ERBB4: variants seen among roughly 807,000 people sequenced by gnomAD.
ERBB4 encodes receptor tyrosine-protein kinase erbB-4.
In ERBB4, 42 loss-of-function variants were observed where a neutral mutation model predicts 158.0. The observed-to-expected ratio is 0.27, with a 90% CI of 0.21 to 0.34. The LOEUF is 0.34. Ranked by LOEUF, ERBB4 falls within the 10% of genes least tolerant of loss-of-function variation. ERBB4 has a pLI of 1.00. For synonymous variants in ERBB4, 583 were observed against 558.7 expected (o/e 1.04, Z -0.61); for missense variants, 1,333 against 1,624.1 (o/e 0.82, Z 3.08).
chr2:211,397,101 A>G (rs2125343056), intron 25 of ERBB4, among the ~76,000 whole-genome samples: 1 of 152,294 alleles, frequency 6.6e-6, no homozygotes, highest in Non-Finnish European at 1.5e-5. Context: ...TAGGCCAAAA[A>G]GAATATCAGA....
At chr2:211,587,457 G>A (rs534664729) in intron 19 of ERBB4, among the ~76,000 whole-genome samples, 23 of 152,252 alleles carry the variant, frequency 1.5e-4, no homozygotes, top group African/African-American at 4.8e-4. Context: ...AGAAGCATAG[G>A]GAGAATGGCA....
At chr2:211,967,979 C>T (rs1282413613) in intron 2 of ERBB4, among the ~76,000 whole-genome samples, 1 of 151,788 alleles carries the variant, frequency 6.6e-6, no homozygotes, top group Non-Finnish European at 1.5e-5. Context: ...AAGTATCAAA[C>T]AATTTTTATT....
rs145910567 is a variant in ERBB4 at position 211,421,737 on chromosome 2, G to GTGTC, written c.2964+266_2964+269dup. On this transcript the variant is annotated intron_variant, in intron 24 of 27. Transcript: ENST00000342788. ...TAATAAAATCAAGGTGCTAAAATAA[G>GTGTC]TGTCTGAGGATTAAGACCTCTTTAT... Among the ~76,000 whole-genome samples the GTGTC allele has an allele frequency of 0.17, 25,385 of 151,686 alleles. 2,901 individuals carry two copies. The highest frequency in any genetic ancestry group is 0.25 in the Non-Finnish European group (16,874 of 67,658).
At chr2:211,549,464 G>A (rs2067024306) in intron 20 of ERBB4, among the ~76,000 whole-genome samples, 1 of 152,078 alleles carries the variant, frequency 6.6e-6, no homozygotes, top group Non-Finnish European at 1.5e-5. Flanking sequence ...GCTTCTCAAG[G>A]GATGGTGAAT....
At chr2:211,865,385 T>C (rs1272224050) in intron 3 of ERBB4, among the ~76,000 whole-genome samples, 1 of 152,184 alleles carries the variant, frequency 6.6e-6, no homozygotes, top group African/African-American at 2.4e-5. Flanking sequence ...ACTTATTTCT[T>C]GGAGCAGCTA....
intron 19 of ERBB4, among the ~76,000 whole-genome samples, chr2:211,614,021 G>C (rs757252625): frequency 5.3e-5 from 8 of 152,166 alleles, no homozygotes; most frequent in Admixed American, 1.3e-4. Context: ...AGCAACCTAA[G>C]TGTCCATCAA....
intron 16 of ERBB4, among the ~76,000 whole-genome samples, chr2:211,652,358 AG>A (rs781309302): frequency 1.4e-4 from 21 of 152,216 alleles, no homozygotes; most frequent in African/African-American, 1.9e-4. Flanking sequence ...CTTATAATAA[AG>A]GGCTGTGTGC....
At chr2:212,066,835 G>A (rs535916794) in intron 2 of ERBB4, among the ~76,000 whole-genome samples, 110 of 151,958 alleles carry the variant, frequency 7.2e-4, no homozygotes, top group African/African-American at 2.6e-3. Flanking sequence ...AAAGAACTCT[G>A]ACAAGTACAG....
chr2:212,180,722 C>T (rs1009851032), intron 1 of ERBB4, among the ~76,000 whole-genome samples: 4 of 151,680 alleles, frequency 2.6e-5, no homozygotes, highest in Admixed American at 2.6e-4. Flanking sequence ...TTATTATTTC[C>T]TAACAACACA....
chr2:212,347,664 C>T (rs1024267722), intron 1 of ERBB4, among the ~76,000 whole-genome samples: 4 of 152,050 alleles, frequency 2.6e-5, no homozygotes, highest in Admixed American at 6.6e-5. Context: ...AGTTGAGGAT[C>T]CCAAATCCAA....
intron 2 of ERBB4, among the ~76,000 whole-genome samples, chr2:212,032,963 C>A (rs1379069008): frequency 6.6e-6 from 1 of 151,632 alleles, no homozygotes; most frequent in Non-Finnish European, 1.5e-5. Flanking sequence ...AAACCCAAAA[C>A]AAAATAAAAC....
At chr2:212,054,086 C>A (rs958135548) in intron 2 of ERBB4, among the ~76,000 whole-genome samples, 2 of 152,066 alleles carry the variant, frequency 1.3e-5, no homozygotes, top group African/African-American at 4.8e-5. Context: ...CCTCTTGCCC[C>A]ACAGGGAAGA....
intron 1 of ERBB4, among the ~76,000 whole-genome samples, chr2:212,528,386 T>C (rs1692567216): frequency 6.6e-6 from 1 of 152,106 alleles, no homozygotes; most frequent in Non-Finnish European, 1.5e-5. Context: ...AGTGCACCAG[T>C]TAGGCTTCAC....
chr2:211,858,189 T>G (rs573255396), intron 3 of ERBB4, among the ~76,000 whole-genome samples: 6 of 151,522 alleles, frequency 4.0e-5, no homozygotes, highest in Admixed American at 3.9e-4. Context: ...GGAGACAGAG[T>G]GCACAGTGAT....
chr2:212,256,214 C>T (rs2084734311), intron 1 of ERBB4, among the ~76,000 whole-genome samples: 2 of 152,204 alleles, frequency 1.3e-5, no homozygotes, highest in South Asian at 2.1e-4. Flanking sequence ...TCATCTGATT[C>T]TCACAAGCAC....
At chr2:212,073,838 C>T (rs928107018) in intron 2 of ERBB4, among the ~76,000 whole-genome samples, 1 of 152,010 alleles carries the variant, frequency 6.6e-6, no homozygotes, top group Admixed American at 6.6e-5. Flanking sequence ...CAAGATTTAT[C>T]AATGTCTAGA....
intron 2 of ERBB4, among the ~76,000 whole-genome samples, chr2:212,081,205 G>A (rs951004451): frequency 2.6e-5 from 4 of 152,154 alleles, no homozygotes. Flanking sequence ...AAGACGGGTG[G>A]TGAGGGAGGT....
At chr2:212,248,422 G>A (rs1464612725) in intron 1 of ERBB4, among the ~76,000 whole-genome samples, 1 of 152,124 alleles carries the variant, frequency 6.6e-6, no homozygotes, top group Non-Finnish European at 1.5e-5. Flanking sequence ...CTTGGTTTAT[G>A]GCATGGCTAT....
chr2:212,512,807 AAAAATGAAAGAGG>A, intron 1 of ERBB4, among the ~76,000 whole-genome samples: 1 of 152,310 alleles, frequency 6.6e-6, no homozygotes, highest in South Asian at 2.1e-4. Context: ...ATTTTAAGAA[AAAAATGAAAGAGG>A]AAAAAGAAAA....
Sources: allele counts gnomAD v4.1 joint callset (sites outside exome capture counted in the v4.1 genomes callset), GRCh38; gene constraint gnomAD v4.1.1; transcripts MANE v1.5; gene names NCBI Gene and HGNC (gene_info 2026-07-23, HGNC 2026-07-21).